PSMA5: variants seen among roughly 807,000 people sequenced by gnomAD.
PSMA5 encodes the protein proteasome 20S subunit alpha 5, also known as proteasome subunit alpha type-5.
PSMA5 carries 3 observed loss-of-function variants against 34.5 expected under a neutral mutation model. The ratio of observed to expected loss-of-function variants is 0.09; its 90% CI spans 0.04 to 0.22. The LOEUF (loss-of-function observed/expected upper bound fraction) is 0.22. PSMA5 is among the 10% of genes least tolerant of loss of function. PSMA5 has a pLI of 1.00. For synonymous variants in PSMA5, 88 were observed against 95.8 expected, an observed-to-expected ratio of 0.92 and a Z score of 0.47; for missense variants, 120 against 286.1, an observed-to-expected ratio of 0.42 and a Z score of 4.19.
intron 8 of PSMA5, among the ~76,000 whole-genome samples, chr1:109,405,453 T>TG (rs1314381397): frequency 2.0e-5 from 3 of 147,832 alleles, no homozygotes; most frequent in Non-Finnish European, 4.5e-5. Flanking sequence ...AAAGGTTTTT[T>TG]TTTTTTTTTT....
At chr1:109,422,028 GCA>G (rs1324082856) in intron 1 of PSMA5, 102 bp from the exon 2 acceptor site, 2 of 648,032 alleles carry the variant, frequency 3.1e-6, no homozygotes, top group South Asian at 2.8e-5. Flanking sequence ...TACAGAATAC[GCA>G]CATTGTCATT....
At chr1:109,417,844 A>G (rs1295471523) in intron 2 of PSMA5, among the ~76,000 whole-genome samples, 1 of 152,184 alleles carries the variant, frequency 6.6e-6, no homozygotes, top group Non-Finnish European at 1.5e-5. Context: ...ATATAAATAC[A>G]TAACAGAAAC....
At chr1:109,421,036 A>C (rs928397351) in intron 2 of PSMA5, among the ~76,000 whole-genome samples, 74 of 151,582 alleles carry the variant, frequency 4.9e-4, no homozygotes, top group South Asian at 2.1e-4. Context: ...AAAAAAAAAA[A>C]AAATTAGCCA....
chr1:109,404,400 G>A (rs769040381), intron 8 of PSMA5, among the ~76,000 whole-genome samples: 4 of 152,120 alleles, frequency 2.6e-5, no homozygotes, highest in Non-Finnish European at 5.9e-5. Context: ...TGAGGACAGA[G>A]AAATATAAGA....
intron 1 of PSMA5, 107 bp from the exon 2 acceptor site, chr1:109,422,033 T>C (rs1654463960): frequency 8.0e-6 from 5 of 628,570 alleles, no homozygotes; most frequent in Non-Finnish European, 1.3e-5. Flanking sequence ...AATACGCACA[T>C]TGTCATTATT....
intron 1 of PSMA5, among the ~76,000 whole-genome samples, chr1:109,422,704 C>T (rs1654493309): frequency 6.6e-6 from 1 of 152,186 alleles, no homozygotes; most frequent in Non-Finnish European, 1.5e-5. Context: ...AACTCCTGAC[C>T]TCGTGATCCA....
chr1:109,417,152 G>A (rs1191976560), intron 2 of PSMA5, among the ~76,000 whole-genome samples: 4 of 152,136 alleles, frequency 2.6e-5, no homozygotes, highest in Admixed American at 6.5e-5. Context: ...AGTTAAAGGT[G>A]CAGACTAAAG....
chr1:109,408,740 G>A (rs939674932), intron 8 of PSMA5, among the ~76,000 whole-genome samples: 2 of 151,662 alleles, frequency 1.3e-5, no homozygotes, highest in Non-Finnish European at 2.9e-5. Context: ...GCCCAGGCTG[G>A]AGTGCAGTGG....
intron 2 of PSMA5, among the ~76,000 whole-genome samples, chr1:109,416,668 A>G (rs1482474468): frequency 1.3e-5 from 2 of 152,202 alleles, no homozygotes; most frequent in African/African-American, 4.8e-5. Context: ...ACACGCATAT[A>G]TATTATTTTT....
intron 1 of PSMA5, 94 bp from the exon 2 acceptor site, chr1:109,422,020 C>G: frequency 1.5e-6 from 1 of 688,828 alleles, no homozygotes; most frequent in Non-Finnish European, 2.3e-6. Flanking sequence ...CAGATAGCTA[C>G]AGAATACGCA....
intron 2 of PSMA5, among the ~76,000 whole-genome samples, chr1:109,416,949 A>G (rs896908062): frequency 6.6e-6 from 1 of 152,158 alleles, no homozygotes; most frequent in African/African-American, 2.4e-5. Flanking sequence ...TATAAAAAAT[A>G]CAATAATTAG....
At chr1:109,409,895 C>A (rs749733187) in intron 8 of PSMA5, 33 bp downstream of exon 8, 86 of 1,487,562 alleles carry the variant, frequency 5.8e-5, no homozygotes, top group African/African-American at 1.4e-4. Flanking sequence ...AAAAAAAAAA[C>A]CGAAAAAAAT....
chr1:109,413,035 A>G (rs1466581989), intron 4 of PSMA5, 33 bp downstream of exon 4: 3 of 1,573,238 alleles, frequency 1.9e-6, no homozygotes, highest in Non-Finnish European at 2.6e-6. Context: ...GAACTCAAGC[A>G]TCCTGGTAAA....
intron 6 of PSMA5, 126 bp downstream of exon 6, chr1:109,411,751 A>G (rs1375652111): frequency 2.2e-6 from 2 of 913,988 alleles, no homozygotes; most frequent in East Asian, 5.2e-5. Flanking sequence ...TTAGCCTTCA[A>G]GTAGCTGGGA....
At chr1:109,422,624 C>T (rs1405437430) in intron 1 of PSMA5, among the ~76,000 whole-genome samples, 1 of 152,062 alleles carries the variant, frequency 6.6e-6, no homozygotes, top group Non-Finnish European at 1.5e-5. Context: ...AGGTGCATGC[C>T]ACCACGCCCG....
At chr1:109,405,447 G>GC (rs1653710964) in intron 8 of PSMA5, among the ~76,000 whole-genome samples, 2 of 118,306 alleles carry the variant, frequency 1.7e-5, no homozygotes, top group Non-Finnish European at 3.3e-5. Flanking sequence ...GTCAGAAAAG[G>GC]TTTTTTTTTT....
At chr1:109,413,229 G>A (rs983094820) in intron 3 of PSMA5, 94 bp from the exon 4 acceptor site, 18 of 1,177,676 alleles carry the variant, frequency 1.5e-5, no homozygotes, top group Non-Finnish European at 1.0e-5. Context: ...TTGGAACCAC[G>A]GCAGCCATTC....
intron 8 of PSMA5, among the ~76,000 whole-genome samples, chr1:109,408,608 C>T (rs1003928272): frequency 6.6e-6 from 1 of 152,156 alleles, no homozygotes; most frequent in African/African-American, 2.4e-5. Flanking sequence ...TTTTACTTTT[C>T]AAAACCAACT....
chr1:109,418,419 G>A (rs1370993377), intron 2 of PSMA5, among the ~76,000 whole-genome samples: 1 of 152,080 alleles, frequency 6.6e-6, no homozygotes, highest in African/African-American at 2.4e-5. Context: ...AGGCTCACGA[G>A]ATCTTCCCAC....
Sources: gnomAD v4.1 joint callset for allele counts (sites outside exome capture counted in the v4.1 genomes callset) on GRCh38, gnomAD v4.1.1 for gene constraint, MANE v1.5 for transcripts, NCBI Gene and HGNC (gene_info 2026-07-23, HGNC 2026-07-21) for gene names.